Variants in PDE3A observed in about 807,000 individuals in gnomAD.
The protein encoded by PDE3A is phosphodiesterase 3A.
Under a neutral mutation model 98.3 loss-of-function variants are expected in PDE3A, and 43 were observed. The observed-to-expected ratio is 0.44, with a 90% CI of 0.34 to 0.56. The LOEUF (loss-of-function observed/expected upper bound fraction) is 0.56, where lower values mean the gene tolerates loss of function less well. PDE3A is among the 20% of genes least tolerant of loss of function. The probability of loss-of-function intolerance (pLI) is 0.01; values close to 1 mark genes in which losing one functional copy is unlikely to be tolerated. For synonymous variants in PDE3A, 663 were observed against 567.9 expected (o/e 1.17, Z -2.38); for missense variants, 1,427 against 1,440.7 (o/e 0.99, Z 0.15).
chr12:20,409,090 G>A (rs995209551), intron 1 of PDE3A, among the ~76,000 whole-genome samples: 3 of 152,108 alleles, frequency 2.0e-5, no homozygotes, highest in African/African-American at 7.2e-5. Context: ...AGAAGTGGAG[G>A]CAGGCACAGA....
intron 2 of PDE3A, among the ~76,000 whole-genome samples, chr12:20,607,110 G>T (rs1943728614): frequency 6.6e-6 from 1 of 151,870 alleles, no homozygotes; most frequent in African/African-American, 2.4e-5. Flanking sequence ...AAGTAGACTG[G>T]ATGAAGATAA....
rs1051486066 is a variant in PDE3A at position 20,600,571 on chromosome 12, G to A, written c.1012-12872G>A. ...AAGGCCATTCTTTACCTCCAGGCCT[G>A]TTAAGATCTTTTCCTTTTCCAGAAA... On this transcript the variant is annotated intron_variant, in intron 2 of 15. Coordinates refer to ENST00000359062, the MANE Select transcript of PDE3A (RefSeq NM_000921.5). Among the ~76,000 whole-genome samples, 5 of 152,138 alleles carry A rather than the reference G, an allele frequency of 3.3e-5. No homozygotes were observed. In the South Asian group the frequency reaches 1.0e-3, roughly 32 times the overall value.
intron 15 of PDE3A, among the ~76,000 whole-genome samples, chr12:20,676,846 T>C (rs1348758182): frequency 5.3e-5 from 8 of 152,154 alleles, no homozygotes; most frequent in Non-Finnish European, 1.0e-4. Context: ...GGGGAGGACC[T>C]TGAATTTTAT....
At chr12:20,589,295 T>C (rs962716002) in intron 2 of PDE3A, among the ~76,000 whole-genome samples, 1 of 152,028 alleles carries the variant, frequency 6.6e-6, no homozygotes, top group Non-Finnish European at 1.5e-5. Flanking sequence ...TCAGAGCAAA[T>C]TGGAAATTGA....
intron 1 of PDE3A, among the ~76,000 whole-genome samples, chr12:20,418,808 T>C (rs1767266324): frequency 6.6e-6 from 1 of 152,188 alleles, no homozygotes; most frequent in East Asian, 1.9e-4. Flanking sequence ...GATAGTATTA[T>C]ATATTGATTA....
At chr12:20,503,584 C>T (rs975168610) in intron 1 of PDE3A, among the ~76,000 whole-genome samples, 1 of 151,672 alleles carries the variant, frequency 6.6e-6, no homozygotes, top group African/African-American at 2.4e-5. Context: ...TTGATCATTC[C>T]CTATTATATA....
intron 1 of PDE3A, among the ~76,000 whole-genome samples, chr12:20,429,527 T>C (rs1944658943): frequency 6.6e-6 from 1 of 152,216 alleles, no homozygotes; most frequent in African/African-American, 2.4e-5. Flanking sequence ...TGAAGCTCTG[T>C]GACTTGCTCT....
At chr12:20,470,304 G>A (rs763204551) in intron 1 of PDE3A, among the ~76,000 whole-genome samples, 1 of 152,088 alleles carries the variant, frequency 6.6e-6, no homozygotes, top group Non-Finnish European at 1.5e-5. Flanking sequence ...TTTGAATGTT[G>A]TTCTGACTTG....
chr12:20,391,624 A>G (rs1446388529), intron 1 of PDE3A, among the ~76,000 whole-genome samples: 1 of 151,542 alleles, frequency 6.6e-6, no homozygotes, highest in Non-Finnish European at 1.5e-5. Flanking sequence ...CTTTTCCTGA[A>G]AAACATCAGT....
At position 20,633,722 on chromosome 12, in the gene PDE3A, C is replaced by A; in HGVS notation, c.1790C>A (p.Pro597His). 6.2e-7 allele frequency: 1 copy of A among 1,611,014 alleles called. No individual in the cohort carries two copies. Among genetic ancestry groups the A allele is most frequent in the South Asian group, 1.1e-5 (1 of 90,802 alleles). The change falls in exon 7 of 16, where the codon CCT (proline) becomes CAT (histidine). Residue 597 changes from proline (P) to histidine (H), a missense_variant. Pro to His is a moderately conservative substitution (Grantham distance 77, BLOSUM62 -2). Around this residue, in one of 3 missense-constraint regions of PDE3A, gnomAD observed 1,012 missense variants for 886.5 expected, o/e 1.14. Coordinates refer to ENST00000359062, the MANE Select transcript of PDE3A (RefSeq NM_000921.5). ...SCGRPYSQGN[P>H]ADEPLERSGV... is the part of the protein sequence containing the mutation. Reference sequence around the variant, plus strand: ...GGCAGACCATATTCCCAAGGGAATCCTGCTGATGAGCCCCTGGAGAGAAGT... The same window carrying A: ...GGCAGACCATATTCCCAAGGGAATCATGCTGATGAGCCCCTGGAGAGAAGT...
chr12:20,609,334 T>C (rs2121437539), intron 2 of PDE3A, among the ~76,000 whole-genome samples: 2 of 152,036 alleles, frequency 1.3e-5, no homozygotes, highest in Middle Eastern at 3.4e-3. Flanking sequence ...GCATAAAAAA[T>C]ACTTAGGGAT....
In PDE3A at chr12:20,616,188, A is replaced by C. The variant is rs372127526; in HGVS notation, c.1270-42A>C. ...TATTATATTACATAAAATTTAAGAG[A>C]TATAAAATATTCTGGGTAATGAAGT... On this transcript the variant is annotated intron_variant, in intron 3 of 15. Transcript: ENST00000359062. 2.0e-5 allele frequency: 31 copies of C among 1,565,702 alleles called. No homozygotes were observed. In the African/African-American group the frequency reaches 2.3e-4, roughly 12 times the overall value.
chr12:20,518,081 G>A (rs1238016804), intron 1 of PDE3A, among the ~76,000 whole-genome samples: 5 of 152,088 alleles, frequency 3.3e-5, no homozygotes, highest in Non-Finnish European at 1.5e-5. Context: ...TGTACTATTT[G>A]AATATCAAAA....
At chr12:20,590,918 A>G in intron 2 of PDE3A, among the ~76,000 whole-genome samples, 1 of 152,200 alleles carries the variant, frequency 6.6e-6, no homozygotes, top group East Asian at 1.9e-4. Flanking sequence ...TGATAATAGC[A>G]TTGTCCCACT....
At chr12:20,646,682 AAAG>A in intron 11 of PDE3A, 66 bp from the exon 12 acceptor site, 1 of 1,425,518 alleles carries the variant, frequency 7.0e-7, no homozygotes, top group Non-Finnish European at 9.9e-7. Flanking sequence ...TTTCAAAAAG[AAAG>A]AAGTCAAGAC....
chr12:20,665,317 C>A (rs1945282138), intron 15 of PDE3A, among the ~76,000 whole-genome samples: 1 of 152,170 alleles, frequency 6.6e-6, no homozygotes. Context: ...TGAATGCTGA[C>A]ATTAAATAGT....
At chr12:20,519,550 A>G (rs566882181) in intron 1 of PDE3A, among the ~76,000 whole-genome samples, 2 of 152,334 alleles carry the variant, frequency 1.3e-5, no homozygotes, top group South Asian at 4.1e-4. Context: ...TAAGTTCTAC[A>G]TTTATGAAGT....
chr12:20,669,155 A>G (rs947343627), intron 15 of PDE3A, among the ~76,000 whole-genome samples: 25 of 152,110 alleles, frequency 1.6e-4, no homozygotes, highest in African/African-American at 6.0e-4. Context: ...GAGAAAAAAG[A>G]ATAAAAAGAA....
intron 1 of PDE3A, among the ~76,000 whole-genome samples, chr12:20,418,410 T>C (rs1944457510): frequency 6.6e-6 from 1 of 152,178 alleles, no homozygotes; most frequent in African/African-American, 2.4e-5. Context: ...CCTGACTGAA[T>C]TATGTGCACC....
Sources: gnomAD v4.1 joint callset for allele counts (sites outside exome capture counted in the v4.1 genomes callset) on GRCh38, gnomAD v4.1.1 for gene constraint, gnomAD v4.1.1 regional missense constraint, MANE v1.5 for transcripts, NCBI Gene and HGNC (gene_info 2026-07-23, HGNC 2026-07-21) for gene names.